The following ARHGAP26 variants were observed in gnomAD, a reference collection of about 807,000 sequenced individuals.
ARHGAP26 encodes the protein rho GTPase-activating protein 26.
A neutral mutation model predicts 104.8 loss-of-function variants in ARHGAP26; 38 were observed. The ratio of observed to expected loss-of-function variants is 0.36; its 90% CI spans 0.28 to 0.48. ARHGAP26 has a LOEUF of 0.48. Among genes scored for constraint, ARHGAP26 ranks in the 20% least tolerant of loss-of-function variants. ARHGAP26 has a pLI of 0.99. For missense variants in ARHGAP26, 704 were observed against 947.9 expected (o/e 0.74, Z 3.38); for synonymous variants, 341 against 340.0 (o/e 1.00, Z -0.03).
chr5:142,918,090 G>A (rs1762729718), intron 10 of ARHGAP26, among the ~76,000 whole-genome samples: 1 of 151,540 alleles, frequency 6.6e-6, no homozygotes, highest in East Asian at 1.9e-4. Flanking sequence ...TAGATCTATG[G>A]TTCTTGAACT....
intron 11 of ARHGAP26, among the ~76,000 whole-genome samples, chr5:142,990,009 A>G (rs921722117): frequency 2.6e-5 from 4 of 152,044 alleles, no homozygotes; most frequent in Non-Finnish European, 2.9e-5. Context: ...CTGCCTTTCT[A>G]GGTTGGGGAA....
chr5:142,852,828 T>C (rs1597912781), intron 1 of ARHGAP26, among the ~76,000 whole-genome samples: 1 of 152,222 alleles, frequency 6.6e-6, no homozygotes, highest in East Asian at 1.9e-4. Flanking sequence ...GAGTTTACCA[T>C]GTAGAAGCCT....
chr5:142,994,654 T>C (rs1264827399), intron 11 of ARHGAP26, among the ~76,000 whole-genome samples: 1 of 152,144 alleles, frequency 6.6e-6, no homozygotes, highest in African/African-American at 2.4e-5. Context: ...TGATTAGATA[T>C]GGGAGTGAAA....
intron 1 of ARHGAP26, among the ~76,000 whole-genome samples, chr5:142,798,177 G>C (rs1360441407): frequency 2.6e-5 from 4 of 152,118 alleles, no homozygotes; most frequent in Non-Finnish European, 5.9e-5. Flanking sequence ...GTCTCCCATT[G>C]CTCTTAAAAT....
chr5:142,945,361 C>T (rs1303925058), intron 11 of ARHGAP26, among the ~76,000 whole-genome samples: 2 of 152,212 alleles, frequency 1.3e-5, no homozygotes, highest in African/African-American at 2.4e-5. Context: ...AGTCTCTGTT[C>T]TGCCTGCTCT....
At chr5:143,212,519 T>C (rs554859528) in intron 21 of ARHGAP26, among the ~76,000 whole-genome samples, 6 of 152,298 alleles carry the variant, frequency 3.9e-5, no homozygotes, top group Non-Finnish European at 8.8e-5. Context: ...AAGAGCTGTT[T>C]TCCTGTTGGA....
chr5:142,935,343 T>C (rs1448538876), intron 11 of ARHGAP26, among the ~76,000 whole-genome samples: 1 of 152,240 alleles, frequency 6.6e-6, no homozygotes, highest in African/African-American at 2.4e-5. Context: ...AGTAACCTTT[T>C]TCTGTAATGG....
chr5:142,923,087 G>GTT (rs3839208), intron 10 of ARHGAP26, among the ~76,000 whole-genome samples: 39,370 of 148,800 alleles, frequency 0.26, 5,569 homozygotes, highest in East Asian at 0.51. Flanking sequence ...TTGTCATGGA[G>GTT]TTTTTTTTTT....
intron 3 of ARHGAP26, among the ~76,000 whole-genome samples, chr5:142,875,470 G>T (rs566614540): frequency 6.6e-6 from 1 of 152,128 alleles, no homozygotes; most frequent in South Asian, 2.1e-4. Context: ...TTTTTTGGGC[G>T]TCGGATTCTC....
rs1394461622 is a variant in ARHGAP26, at chr5:143,228,656, A to T, written c.*6210A>T. 3 of 209,150 alleles carry T rather than the reference A, an allele frequency of 1.4e-5. No homozygotes were observed. Among genetic ancestry groups the T allele is most frequent in the African/African-American group, 6.8e-5 (3 of 44,040 alleles). 13.0% of individuals were successfully genotyped at this position (209,150 alleles called of 1,614,324 possible). ...TGAGTATACTGTAAAGTGCTGTGTG[A>T]TATAATATCAATAAAGTACTTATTA... On this transcript the variant is annotated 3_prime_UTR_variant, in exon 23 of 23. Coordinates refer to ENST00000645722, the MANE Select transcript of ARHGAP26 (RefSeq NM_001135608.3).
intron 1 of ARHGAP26, chr5:142,860,009 T>G (rs535909631): frequency 1.1e-4 from 17 of 152,326 alleles, no homozygotes; most frequent in Admixed American, 6.5e-4. Flanking sequence ...TACCTTGCAC[T>G]TACTTTGAGT....
rs1811408861 is a variant in ARHGAP26 at position 143,223,215 on chromosome 5, G to T, written c.*769G>T. 4.3e-6 allele frequency: 1 copy of T among 232,938 alleles called. No individual in the cohort carries two copies. The highest frequency in any genetic ancestry group is 8.5e-6 in the Non-Finnish European group (1 of 117,674). The allele number at this position is 232,938 out of a possible 1,614,324, so 14.4% of individuals were successfully genotyped here. On this transcript the variant is annotated 3_prime_UTR_variant, in exon 23 of 23. Transcript: ENST00000645722. ...AAAAATAAAATAACACATCCTCTTT[G>T]CATGACACATTTTTTTTCTCCCCTT...
At chr5:143,007,475 T>C (rs1476943278) in intron 11 of ARHGAP26, among the ~76,000 whole-genome samples, 3 of 152,226 alleles carry the variant, frequency 2.0e-5, no homozygotes, top group Admixed American at 2.0e-4. Flanking sequence ...TACATAATGG[T>C]TGCATTGTTG....
At chr5:143,087,893 C>T (rs547750014) in intron 17 of ARHGAP26, among the ~76,000 whole-genome samples, 2 of 151,500 alleles carry the variant, frequency 1.3e-5, no homozygotes, top group African/African-American at 4.9e-5. Flanking sequence ...AGGTGATACA[C>T]CCGCCTCGGC....
intron 17 of ARHGAP26, among the ~76,000 whole-genome samples, chr5:143,082,625 G>T (rs950775968): frequency 6.6e-6 from 1 of 152,166 alleles, no homozygotes; most frequent in African/African-American, 2.4e-5. Flanking sequence ...TCAAAGTCAA[G>T]AATTGTATTC....
At chr5:142,788,322 C>G (rs376919956) in intron 1 of ARHGAP26, among the ~76,000 whole-genome samples, 4 of 152,184 alleles carry the variant, frequency 2.6e-5, no homozygotes, top group African/African-American at 9.6e-5. Context: ...TCTTTTAAAA[C>G]CAGCTCCCAT....
At chr5:142,988,376 T>C (rs998429607) in intron 11 of ARHGAP26, among the ~76,000 whole-genome samples, 4 of 152,170 alleles carry the variant, frequency 2.6e-5, no homozygotes, top group African/African-American at 9.7e-5. Flanking sequence ...TTTATTCTTC[T>C]CTCTTTTCTT....
At chr5:142,951,677 C>T (rs1416361616) in intron 11 of ARHGAP26, among the ~76,000 whole-genome samples, 1 of 152,146 alleles carries the variant, frequency 6.6e-6, no homozygotes, top group African/African-American at 2.4e-5. Flanking sequence ...AAATAATCAG[C>T]CACAACCTGG....
intron 1 of ARHGAP26, among the ~76,000 whole-genome samples, chr5:142,780,548 C>T (rs551860537): frequency 1.3e-4 from 20 of 152,326 alleles, no homozygotes; most frequent in Non-Finnish European, 2.2e-4. Flanking sequence ...AGAATTTTCT[C>T]CATTTTCCCC....
Sources: gnomAD v4.1 joint callset for allele counts (sites outside exome capture counted in the v4.1 genomes callset) on GRCh38, gnomAD v4.1.1 for gene constraint, MANE v1.5 for transcripts, NCBI Gene and HGNC (gene_info 2026-07-23, HGNC 2026-07-21) for gene names.